The following STIM1 variants were observed in gnomAD, a reference collection of about 807,000 sequenced individuals.
STIM1 encodes stromal interaction molecule 1.
A neutral mutation model predicts 74.7 loss-of-function variants in STIM1; 25 were observed. That is an observed-to-expected ratio of 0.33 (90% CI 0.24 to 0.47). STIM1 has a LOEUF of 0.47. Among genes scored for constraint, STIM1 ranks in the 20% least tolerant of loss-of-function variants. STIM1 has a pLI of 1.00. For missense variants in STIM1, 728 were observed against 920.8 expected (o/e 0.79, Z 2.71); for synonymous variants, 328 against 348.8 (o/e 0.94, Z 0.66).
intron 4 of STIM1, among the ~76,000 whole-genome samples, chr11:4,058,115 C>T (rs187238357): frequency 3.9e-5 from 6 of 152,278 alleles, no homozygotes; most frequent in Admixed American, 6.5e-5. Flanking sequence ...ATTAGTCAGA[C>T]GAACTGCAGC....
At chr11:3,886,471 G>A (rs2091708249) in intron 1 of STIM1, among the ~76,000 whole-genome samples, 2 of 151,986 alleles carry the variant, frequency 1.3e-5, no homozygotes, top group Non-Finnish European at 2.9e-5. Context: ...GGCAGATCAC[G>A]AGGTCAGGAG....
chr11:3,992,095 T>G (rs1234685225), intron 2 of STIM1, among the ~76,000 whole-genome samples: 17 of 136,434 alleles, frequency 1.2e-4, no homozygotes, highest in African/African-American at 3.5e-4. Context: ...TTTTGTTTTT[T>G]TTTTTTTTTT....
intron 2 of STIM1, among the ~76,000 whole-genome samples, chr11:4,013,208 G>C (rs1590647682): frequency 6.6e-6 from 1 of 152,196 alleles, no homozygotes; most frequent in South Asian, 2.1e-4. Context: ...TCTCTGCCAG[G>C]CTTTGGTATC....
intron 1 of STIM1, among the ~76,000 whole-genome samples, chr11:3,895,001 G>A (rs1008389933): frequency 2.7e-5 from 4 of 149,580 alleles, no homozygotes; most frequent in African/African-American, 7.5e-5. Context: ...CACCCGCTTC[G>A]GCCTCCCAAA....
intron 1 of STIM1, among the ~76,000 whole-genome samples, chr11:3,871,310 A>G (rs2091087768): frequency 6.6e-6 from 1 of 152,164 alleles, no homozygotes; most frequent in Admixed American, 6.5e-5. Context: ...CCTCTAGACT[A>G]GGGTAAGTCC....
In STIM1 at chr11:3,856,323, A is replaced by C; in HGVS notation, c.53A>C (p.His18Pro). The change falls in exon 1 of 13, where the codon CAC becomes CCC. Residue 18 changes from histidine (H) to proline (P), a missense_variant. By Grantham distance (77) the His-to-Pro change is moderately conservative. Transcript: ENST00000526596. ...ALWLLWGLLL[H>P]QGQSLSHSHS... ...TGGCTCCTCTGGGGACTCCTCCTGC[A>C]CCAGGGCCAGAGCCTCAGCCATAGT... is the stretch of plus-strand genomic sequence containing the variant. 1 of 1,614,160 alleles carries C rather than the reference A, an allele frequency of 6.2e-7. No individual in the cohort carries two copies. The highest frequency in any genetic ancestry group is 8.5e-7 in the Non-Finnish European group (1 of 1,180,022).
Position 4,079,573 on chromosome 11 carries a change from C to CAA in STIM1, c.970-2602_970-2601dup, listed in dbSNP as rs200195849. The stretch of plus-strand genomic sequence containing the variant: ...TGGGTGACAGAGCAAGACTCCATCT[C>CAA]AAAAAAAAAATAAAATAAAAATAAC... On this transcript the variant is annotated intron_variant, in intron 7 of 12. Transcript: ENST00000526596. Among the ~76,000 whole-genome samples, 6 of 146,532 alleles carry CAA rather than the reference C, an allele frequency of 4.1e-5. 1 individual carries two copies. Among genetic ancestry groups the CAA allele is most frequent in the African/African-American group, 1.3e-4 (5 of 39,990 alleles).
At chr11:3,954,617 C>A (rs1222683391) in intron 1 of STIM1, among the ~76,000 whole-genome samples, 1 of 152,086 alleles carries the variant, frequency 6.6e-6, no homozygotes, top group African/African-American at 2.4e-5. Flanking sequence ...GAGTCAGGAT[C>A]TTTGAAGAAA....
At chr11:4,057,833 G>A (rs919031928) in intron 4 of STIM1, among the ~76,000 whole-genome samples, 2 of 148,636 alleles carry the variant, frequency 1.3e-5, no homozygotes, top group African/African-American at 2.5e-5. Flanking sequence ...TCGCGCCACT[G>A]CACTCCAGCC....
In STIM1 at chr11:3,919,659, G is replaced by A. The variant is rs372776923; in HGVS notation, c.140-47893G>A. 4.6e-5 allele frequency among the ~76,000 whole-genome samples: 7 copies of A among 152,294 alleles called. No homozygotes were observed. In the East Asian group the frequency reaches 1.2e-3, roughly 25 times the overall value. ...ATTTGGCAGGGGCTCTATATGGTAC[G>A]GTGTATAAAGCTGTGAGCTGGATGG... On this transcript the variant is annotated intron_variant, in intron 1 of 12. Coordinates refer to ENST00000526596, the MANE Select transcript of STIM1 (RefSeq NM_001382567.1).
intron 3 of STIM1, among the ~76,000 whole-genome samples, chr11:4,046,059 C>CTTTTTTTTTT (rs35783768): frequency 3.4e-5 from 2 of 59,030 alleles, no homozygotes; most frequent in Non-Finnish European, 3.0e-5. Context: ...CGTGAGCTAC[C>CTTTTTTTTTT]TTTTTTTTTT....
At chr11:4,011,418 G>C (rs574733222) in intron 2 of STIM1, among the ~76,000 whole-genome samples, 28 of 152,196 alleles carry the variant, frequency 1.8e-4, no homozygotes, top group African/African-American at 6.7e-4. Context: ...ATTCTAACTG[G>C]CGTGAGATAG....
chr11:4,051,106 T>C (rs1590674794), intron 3 of STIM1, among the ~76,000 whole-genome samples: 2 of 151,898 alleles, frequency 1.3e-5, no homozygotes, highest in Non-Finnish European at 2.9e-5. Flanking sequence ...AAAAAATCCA[T>C]GTATAAAATT....
intron 4 of STIM1, among the ~76,000 whole-genome samples, chr11:4,056,930 T>C (rs781485932): frequency 1.2e-4 from 18 of 152,218 alleles, no homozygotes; most frequent in Non-Finnish European, 2.5e-4. Context: ...TTGTTCTAAA[T>C]GCCCTGCTTT....
chr11:4,046,621 G>C (rs2094195801), intron 3 of STIM1, among the ~76,000 whole-genome samples: 1 of 151,946 alleles, frequency 6.6e-6, no homozygotes, highest in Non-Finnish European at 1.5e-5. Flanking sequence ...TCACATCCTG[G>C]GCTGAGAGGA....
Position 3,895,602 on chromosome 11 carries a change from T to TTC in STIM1, c.139+39201_139+39202dup, listed in dbSNP as rs369670575. On this transcript the variant is annotated intron_variant, in intron 1 of 12. Coordinates refer to ENST00000526596, the MANE Select transcript of STIM1 (RefSeq NM_001382567.1). ...GGGTTCCGGGAATAGTGTTCTTTCT[T>TTC]TCTCTCTCTTTCTTTCTTTCTTTCT... Among the ~76,000 whole-genome samples the TTC allele has an allele frequency of 9.5e-3, 842 of 88,320 alleles. 55 individuals are homozygous for TTC. The highest frequency in any genetic ancestry group is 0.016 in the African/African-American group (246 of 15,248). 57.9% of individuals were successfully genotyped at this position (88,320 alleles called of 152,430 possible).
At chr11:3,892,379 C>G (rs907609244) in intron 1 of STIM1, 1 of 1,376,652 alleles carries the variant, frequency 7.3e-7, no homozygotes, top group African/African-American at 1.4e-5. Flanking sequence ...AGATAAAACA[C>G]AAGTCAAACT....
At chr11:3,959,768 G>A (rs66503725) in intron 1 of STIM1, among the ~76,000 whole-genome samples, 37,237 of 151,926 alleles carry the variant, frequency 0.25, 5,676 homozygotes, top group South Asian at 0.46. Flanking sequence ...TGGCAGCAAG[G>A]CCTTTTCAGG....
chr11:3,908,207 G>C (rs564652179), intron 1 of STIM1, among the ~76,000 whole-genome samples: 8 of 152,292 alleles, frequency 5.3e-5, no homozygotes, highest in South Asian at 2.1e-4. Context: ...ACAAATGATT[G>C]AATAACCTTT....
Sources: gnomAD v4.1 joint callset for allele counts (sites outside exome capture counted in the v4.1 genomes callset) on GRCh38, gnomAD v4.1.1 for gene constraint, MANE v1.5 for transcripts, NCBI Gene and HGNC (gene_info 2026-07-23, HGNC 2026-07-21) for gene names.